The following NAV3 variants were observed in gnomAD, a reference collection of about 807,000 sequenced individuals.
The protein encoded by NAV3 is pore membrane and/or filament interacting like protein 1.
NAV3 carries 87 observed loss-of-function variants against 244.7 expected under a neutral mutation model. The ratio of observed to expected loss-of-function variants is 0.36; its 90% CI spans 0.30 to 0.42. The LOEUF is 0.42. NAV3 is among the 20% of genes least tolerant of loss of function. The pLI, the probability that NAV3 is intolerant of heterozygous loss-of-function variation, is 1.00. For synonymous variants in NAV3, 1,126 were observed against 1,042.2 expected (o/e 1.08, Z -1.55); for missense variants, 2,663 against 2,893.3 (o/e 0.92, Z 1.83).
chr12:77,913,445 C>A (rs1886813449), intron 1 of NAV3, among the ~76,000 whole-genome samples: 1 of 151,994 alleles, frequency 6.6e-6, no homozygotes. Context: ...TTATTCTTTT[C>A]TTTATTTGAC....
chr12:78,187,716 A>T lies in NAV3; in HGVS notation c.5791-532A>T, dbSNP rs142716749. 7.8e-4 allele frequency among the ~76,000 whole-genome samples: 119 copies of T among 152,064 alleles called. 1 individual carries two copies. The highest frequency in any genetic ancestry group is 2.8e-3 in the African/African-American group (118 of 41,542). On this transcript the variant is annotated intron_variant, in intron 31 of 39. Transcript: ENST00000397909. ...TTTTGTAGGTATGCAAATACCTTAT[A>T]TTATCATAGATAACACATTTTAAAG...
At chr12:77,818,263 C>T (rs1033398145) in intron 2 of NAV3, among the ~76,000 whole-genome samples, 1 of 151,914 alleles carries the variant, frequency 6.6e-6, no homozygotes, top group Non-Finnish European at 1.5e-5. Context: ...AGGTCTGTAC[C>T]GTTGAGAGTG....
chr12:78,083,080 C>T (rs1392283166), intron 12 of NAV3, among the ~76,000 whole-genome samples: 1 of 152,154 alleles, frequency 6.6e-6, no homozygotes, highest in Non-Finnish European at 1.5e-5. Context: ...GTTATGAAGG[C>T]TGAGAAGTTC....
intron 2 of NAV3, among the ~76,000 whole-genome samples, chr12:77,779,506 C>T (rs2135909536): frequency 6.6e-6 from 1 of 152,232 alleles, no homozygotes; most frequent in African/African-American, 2.4e-5. Context: ...ATGAATGGTT[C>T]CCTCATGGAA....
At chr12:77,810,492 A>G (rs1401914354) in intron 2 of NAV3, among the ~76,000 whole-genome samples, 1 of 152,132 alleles carries the variant, frequency 6.6e-6, no homozygotes, top group Admixed American at 6.6e-5. Flanking sequence ...TTTTTATATC[A>G]ATAATCTGAT....
chr12:77,837,026 G>A (rs1306426357), intron 1 of NAV3, among the ~76,000 whole-genome samples: 2 of 151,972 alleles, frequency 1.3e-5, no homozygotes, highest in South Asian at 2.1e-4. Context: ...TTTAAAATAA[G>A]CATAAATAAT....
At chr12:77,858,510 T>G (rs1878733949) in intron 1 of NAV3, among the ~76,000 whole-genome samples, 1 of 152,090 alleles carries the variant, frequency 6.6e-6, no homozygotes, top group Admixed American at 6.6e-5. Context: ...TTAATAGAGA[T>G]TTACCAGAAG....
intron 12 of NAV3, among the ~76,000 whole-genome samples, chr12:78,106,861 T>C (rs1954828372): frequency 6.6e-6 from 1 of 152,200 alleles, no homozygotes; most frequent in Admixed American, 6.5e-5. Context: ...CTGGCCCACC[T>C]GACACTGCAG....
At chr12:77,958,716 T>A (rs1345093926) in intron 3 of NAV3, among the ~76,000 whole-genome samples, 2 of 152,126 alleles carry the variant, frequency 1.3e-5, no homozygotes, top group Admixed American at 6.6e-5. Context: ...CAGCCAACAT[T>A]TTTATAGTTA....
intron 12 of NAV3, among the ~76,000 whole-genome samples, chr12:78,064,430 C>CTGTCTCT (rs1566082262): frequency 2.1e-5 from 2 of 93,314 alleles, no homozygotes; most frequent in African/African-American, 9.0e-5. Flanking sequence ...TGTCTGTCTG[C>CTGTCTCT]CTGCCTGCCT....
rs184043691 is a variant in NAV3 at position 78,185,424 on chromosome 12, T to C, written c.5693-177T>C. ...GAAATAAATTCTTAGATTGAAACTTTAGCCCAACCACAGTAATTCATCTTC... is the reference window on the plus strand; with the variant it reads ...GAAATAAATTCTTAGATTGAAACTTCAGCCCAACCACAGTAATTCATCTTC... On this transcript the variant is annotated intron_variant, in intron 30 of 39. Transcript: ENST00000397909. Among the ~76,000 whole-genome samples, 369 of 151,964 alleles carry C rather than the reference T, an allele frequency of 2.4e-3. 2 individuals are homozygous for C. The highest frequency in any genetic ancestry group is 7.2e-3 in the Admixed American group (109 of 15,190).
intron 2 of NAV3, among the ~76,000 whole-genome samples, chr12:77,592,302 C>G (rs1409471037): frequency 6.6e-6 from 1 of 152,070 alleles, no homozygotes; most frequent in Admixed American, 6.6e-5. Flanking sequence ...TACGTATGTT[C>G]CTAATCTAAA....
At chr12:77,774,001 C>A (rs1870229162) in intron 2 of NAV3, among the ~76,000 whole-genome samples, 1 of 152,028 alleles carries the variant, frequency 6.6e-6, no homozygotes, top group Non-Finnish European at 1.5e-5. Flanking sequence ...TTATACTGAC[C>A]TTGCCTGATG....
rs573361817 is a variant in NAV3 at position 78,135,278 on chromosome 12, A to T, written c.4442-1899A>T. On this transcript the variant is annotated intron_variant, in intron 18 of 39. Transcript: ENST00000397909. ...TGTGTCATATTTTTCCTTCTATTCA[A>T]CTACAACATCTAAAAGCAGATCTGT... Among the ~76,000 whole-genome samples the T allele has an allele frequency of 3.3e-4, 50 of 152,320 alleles. 1 individual carries two copies. Among genetic ancestry groups the T allele is most frequent in the African/African-American group, 1.2e-3 (49 of 41,574 alleles).
At chr12:78,073,396 G>C (rs1952881440) in intron 12 of NAV3, among the ~76,000 whole-genome samples, 1 of 150,690 alleles carries the variant, frequency 6.6e-6, no homozygotes, top group Non-Finnish European at 1.5e-5. Context: ...ACCAGCAACA[G>C]ACAAACAGAG....
At chr12:78,041,949 T>C (rs890726570) in intron 9 of NAV3, among the ~76,000 whole-genome samples, 2 of 152,158 alleles carry the variant, frequency 1.3e-5, no homozygotes, top group Non-Finnish European at 2.9e-5. Flanking sequence ...CCCTTTCTTT[T>C]TCTTCCATCC....
chr12:77,976,688 T>C (rs1266607012), intron 5 of NAV3, among the ~76,000 whole-genome samples: 1 of 136,594 alleles, frequency 7.3e-6, no homozygotes, highest in Non-Finnish European at 1.6e-5. Flanking sequence ...TTTTTTTTTT[T>C]TTTTGAGACG....
At chr12:78,100,387 T>A (rs142942299) in intron 12 of NAV3, among the ~76,000 whole-genome samples, 78 of 152,076 alleles carry the variant, frequency 5.1e-4, no homozygotes, top group African/African-American at 1.8e-3. Context: ...AATTGTTTTA[T>A]GCCTATATTG....
At chr12:78,168,482 G>A (rs946873851) in intron 23 of NAV3, among the ~76,000 whole-genome samples, 1 of 151,674 alleles carries the variant, frequency 6.6e-6, no homozygotes, top group East Asian at 1.9e-4. Context: ...GTACTGGTGA[G>A]TTCTGGGTGC....
Sources: allele counts gnomAD v4.1 joint callset (sites outside exome capture counted in the v4.1 genomes callset), GRCh38; gene constraint gnomAD v4.1.1; transcripts MANE v1.5; gene names NCBI Gene and HGNC (gene_info 2026-07-23, HGNC 2026-07-21).